The following ASTN2 variants were observed in gnomAD, a reference collection of about 807,000 sequenced individuals.
ASTN2 encodes astrotactin 2.
Under a neutral mutation model 139.8 loss-of-function variants are expected in ASTN2, and 54 were observed. The ratio of observed to expected loss-of-function variants is 0.39; its 90% confidence interval spans 0.31 to 0.48. The LOEUF is 0.48. ASTN2 is among the 20% of genes least tolerant of loss of function. The pLI, the probability that ASTN2 is intolerant of heterozygous loss-of-function variation, is 0.95. For synonymous variants in ASTN2, 756 were observed against 719.5 expected, an observed-to-expected ratio of 1.05 and a Z score of -0.81; for missense variants, 1,565 against 1,725.1, an observed-to-expected ratio of 0.91 and a Z score of 1.64.
intron 11 of ASTN2, among the ~76,000 whole-genome samples, chr9:116,821,273 T>G (rs1487487174): frequency 1.3e-5 from 2 of 152,176 alleles, no homozygotes; most frequent in African/African-American, 4.8e-5. Flanking sequence ...AGAAGTTACT[T>G]GCCGTCTCTG....
chr9:116,862,210 T>A (rs1387974758), intron 11 of ASTN2, among the ~76,000 whole-genome samples: 1 of 152,164 alleles, frequency 6.6e-6, no homozygotes, highest in East Asian at 1.9e-4. Context: ...CAAGTGTGTG[T>A]TCTGTCTCCC....
chr9:116,954,455 C>A (rs948881830), intron 10 of ASTN2, among the ~76,000 whole-genome samples: 1 of 152,178 alleles, frequency 6.6e-6, no homozygotes, highest in Admixed American at 6.5e-5. Context: ...AAGGACCACA[C>A]TTTGAGCAGC....
chr9:117,344,014 T>C (rs956688921), intron 1 of ASTN2, among the ~76,000 whole-genome samples: 2 of 152,070 alleles, frequency 1.3e-5, no homozygotes, highest in Non-Finnish European at 2.9e-5. Flanking sequence ...AAAGCATCTC[T>C]GTCTTAGATG....
chr9:116,601,516 G>A (rs1854898300), intron 19 of ASTN2, among the ~76,000 whole-genome samples: 1 of 152,172 alleles, frequency 6.6e-6, no homozygotes, highest in South Asian at 2.1e-4. Flanking sequence ...GATGATCACA[G>A]AAGATGTTGA....
chr9:116,602,472 C>T (rs997804003), intron 19 of ASTN2, among the ~76,000 whole-genome samples: 1 of 151,812 alleles, frequency 6.6e-6, no homozygotes, highest in Non-Finnish European at 1.5e-5. Flanking sequence ...AGAAATACTG[C>T]AATGAAAAGA....
intron 6 of ASTN2, among the ~76,000 whole-genome samples, chr9:117,022,448 A>C (rs1436058642): frequency 4.5e-4 from 50 of 111,316 alleles, no homozygotes; most frequent in East Asian, 1.3e-3. Context: ...AGGGCAAAAA[A>C]AAAAAACAAA....
chr9:116,851,144 G>T (rs985150972), intron 11 of ASTN2, among the ~76,000 whole-genome samples: 1 of 152,148 alleles, frequency 6.6e-6, no homozygotes, highest in African/African-American at 2.4e-5. Context: ...AGTTTGATAA[G>T]ATGTGCTAGA....
At chr9:117,317,292 C>T (rs1587941631) in intron 1 of ASTN2, among the ~76,000 whole-genome samples, 1 of 152,104 alleles carries the variant, frequency 6.6e-6, no homozygotes. Flanking sequence ...TGCCTCCTTC[C>T]GTGTTTCTCA....
At chr9:117,190,996 G>A (rs1484518791) in intron 3 of ASTN2, among the ~76,000 whole-genome samples, 1 of 152,000 alleles carries the variant, frequency 6.6e-6, no homozygotes, top group Non-Finnish European at 1.5e-5. Flanking sequence ...CTTAATTAAA[G>A]CTTGTTGAAT....
intron 20 of ASTN2, among the ~76,000 whole-genome samples, chr9:116,478,464 T>C (rs1849063482): frequency 6.6e-6 from 1 of 152,120 alleles, no homozygotes; most frequent in Non-Finnish European, 1.5e-5. Flanking sequence ...CTCAGGCCTC[T>C]GGTCAGCATG....
At chr9:116,558,693 A>T (rs1852756980) in intron 19 of ASTN2, among the ~76,000 whole-genome samples, 1 of 152,170 alleles carries the variant, frequency 6.6e-6, no homozygotes, top group Non-Finnish European at 1.5e-5. Flanking sequence ...ATATTCTCAG[A>T]CCATTCAGCT....
At chr9:116,779,302 T>C (rs1237207841) in intron 13 of ASTN2, among the ~76,000 whole-genome samples, 5 of 152,076 alleles carry the variant, frequency 3.3e-5, no homozygotes, top group Non-Finnish European at 5.9e-5. Context: ...GTCCCTTTTT[T>C]CCCCTTCTGT....
At chr9:116,681,375 G>A (rs1032871127) in intron 16 of ASTN2, among the ~76,000 whole-genome samples, 2 of 152,070 alleles carry the variant, frequency 1.3e-5, no homozygotes, top group African/African-American at 4.8e-5. Context: ...AAATAAAAGA[G>A]GATACAAACA....
chr9:116,728,086 C>G (rs1487387922), intron 15 of ASTN2, among the ~76,000 whole-genome samples: 2 of 152,044 alleles, frequency 1.3e-5, no homozygotes, highest in African/African-American at 4.8e-5. Flanking sequence ...TAGGTCAGGC[C>G]TCATCTTTCC....
At chr9:117,119,849 C>G (rs1375756261) in intron 4 of ASTN2, among the ~76,000 whole-genome samples, 2 of 151,426 alleles carry the variant, frequency 1.3e-5, no homozygotes, top group Admixed American at 1.3e-4. Flanking sequence ...ACTTTAGAAG[C>G]TTTCCTATGG....
At chr9:116,961,746 G>A (rs190420154) in intron 10 of ASTN2, among the ~76,000 whole-genome samples, 3 of 152,238 alleles carry the variant, frequency 2.0e-5, no homozygotes, top group East Asian at 1.9e-4. Context: ...CCTTAGGAAG[G>A]GCAAGTAGAG....
intron 16 of ASTN2, among the ~76,000 whole-genome samples, chr9:116,711,922 C>T (rs1453674439): frequency 6.6e-6 from 1 of 152,162 alleles, no homozygotes; most frequent in East Asian, 1.9e-4. Flanking sequence ...TATACTTCCT[C>T]CCATCCCAAG....
intron 13 of ASTN2, among the ~76,000 whole-genome samples, chr9:116,783,540 A>G (rs952910397): frequency 2.6e-5 from 4 of 152,178 alleles, no homozygotes; most frequent in Admixed American, 2.0e-4. Context: ...AACATTGTAT[A>G]TTATTAATAT....
chr9:116,627,089 C>A (rs1017020987), intron 17 of ASTN2, among the ~76,000 whole-genome samples: 1 of 152,178 alleles, frequency 6.6e-6, no homozygotes, highest in African/African-American at 2.4e-5. Context: ...ATTGGTCATT[C>A]TTTTACAAAT....
Sources: gnomAD v4.1 joint callset for allele counts (sites outside exome capture counted in the v4.1 genomes callset) on GRCh38, gnomAD v4.1.1 for gene constraint, MANE v1.5 for transcripts, NCBI Gene and HGNC (gene_info 2026-07-23, HGNC 2026-07-21) for gene names.